Variants in KIF26B observed in about 807,000 individuals in gnomAD.
KIF26B encodes kinesin family member 26B, also known as kinesin-like protein KIF26B.
In KIF26B, 63 loss-of-function variants were observed where a neutral mutation model predicts 151.2. That is an observed-to-expected ratio of 0.42 (90% CI 0.34 to 0.51). The LOEUF (loss-of-function observed/expected upper bound fraction) is 0.51. Among genes scored for constraint, KIF26B ranks in the 20% least tolerant of loss-of-function variants. The pLI, the probability that KIF26B is intolerant of heterozygous loss-of-function variation, is 0.07. For synonymous variants in KIF26B, 1,357 were observed against 1,262.1 expected (o/e 1.08, Z -1.59); for missense variants, 2,813 against 2,913.6 (o/e 0.97, Z 0.79).
At chr1:245,302,779 A>G (rs1186310854) in intron 2 of KIF26B, among the ~76,000 whole-genome samples, 2 of 152,150 alleles carry the variant, frequency 1.3e-5, no homozygotes, top group Non-Finnish European at 2.9e-5. Flanking sequence ...CCAAGAGGTC[A>G]GCAGTTTGAG....
At chr1:245,447,913 T>C (rs1659283014) in intron 4 of KIF26B, among the ~76,000 whole-genome samples, 1 of 152,204 alleles carries the variant, frequency 6.6e-6, no homozygotes. Flanking sequence ...GGACCAGTTA[T>C]GGACCTGTAA....
At chr1:245,562,463 C>T (rs892413904) in intron 5 of KIF26B, among the ~76,000 whole-genome samples, 1 of 152,102 alleles carries the variant, frequency 6.6e-6, no homozygotes, top group African/African-American at 2.4e-5. Flanking sequence ...CAGGACCGGC[C>T]TCGGGAGTCC....
chr1:245,281,984 A>G (rs1427788219), intron 2 of KIF26B, among the ~76,000 whole-genome samples: 5 of 152,068 alleles, frequency 3.3e-5, no homozygotes, highest in Non-Finnish European at 5.9e-5. Context: ...TGGTACCAGT[A>G]CCATGCTGTT....
chr1:245,230,531 T>C (rs142070202), intron 2 of KIF26B, among the ~76,000 whole-genome samples: 3,490 of 151,870 alleles, frequency 0.023, 113 homozygotes, highest in African/African-American at 0.079. Context: ...TCACCTGAGG[T>C]CGGGAGTTCA....
chr1:245,590,537 AC>A (rs1481480478), intron 5 of KIF26B, among the ~76,000 whole-genome samples: 2 of 152,156 alleles, frequency 1.3e-5, no homozygotes, highest in Admixed American at 1.3e-4. Flanking sequence ...GTTGTCACTT[AC>A]CCAGTGTTTA....
chr1:245,343,191 T>C (rs1007400014), intron 2 of KIF26B, among the ~76,000 whole-genome samples: 2 of 152,140 alleles, frequency 1.3e-5, no homozygotes, highest in East Asian at 1.9e-4. Context: ...TATGGTTGAA[T>C]TTGATAAATG....
chr1:245,640,446 G>A (rs1175139269), intron 9 of KIF26B, among the ~76,000 whole-genome samples: 1 of 151,518 alleles, frequency 6.6e-6, no homozygotes, highest in African/African-American at 2.4e-5. Context: ...ATATACTTGG[G>A]TCTTACTTAT....
intron 4 of KIF26B, among the ~76,000 whole-genome samples, chr1:245,463,411 A>G (rs1022021239): frequency 1.4e-4 from 22 of 152,194 alleles, no homozygotes; most frequent in African/African-American, 4.8e-4. Flanking sequence ...GGAACCTCCC[A>G]TGACATCTTG....
At chr1:245,200,201 C>T (rs57390021) in intron 2 of KIF26B, among the ~76,000 whole-genome samples, 1 of 152,164 alleles carries the variant, frequency 6.6e-6, no homozygotes, top group Non-Finnish European at 1.5e-5. Flanking sequence ...TCCTAAATCT[C>T]GTTTTCACAG....
At chr1:245,369,936 G>A (rs566302024) in intron 3 of KIF26B, among the ~76,000 whole-genome samples, 6 of 152,344 alleles carry the variant, frequency 3.9e-5, no homozygotes, top group African/African-American at 1.4e-4. Flanking sequence ...AACCTTGGAA[G>A]TAACCTTCTA....
At chr1:245,342,474 G>A (rs987995127) in intron 2 of KIF26B, among the ~76,000 whole-genome samples, 9 of 152,324 alleles carry the variant, frequency 5.9e-5, no homozygotes, top group East Asian at 1.9e-4. Context: ...GAATGGGACC[G>A]TCACCCACCG....
At chr1:245,662,377 C>A (rs1407050540) in intron 10 of KIF26B, among the ~76,000 whole-genome samples, 1 of 95,936 alleles carries the variant, frequency 1.0e-5, no homozygotes, top group Non-Finnish European at 2.2e-5. Context: ...GATATATACA[C>A]ACACACCATA....
In KIF26B at chr1:245,442,534, C is replaced by A. The variant is rs115948349; in HGVS notation, c.1166+22789C>A. On this transcript the variant is annotated intron_variant, in intron 4 of 14. Transcript: ENST00000407071. ...GAGGCAGGAAAGGGAAAGAGACAAG[C>A]CAAAGATGAGTCCTTTCTCAGGCAA... Among the ~76,000 whole-genome samples the A allele has an allele frequency of 4.0e-3, 604 of 152,264 alleles. 5 individuals carry two copies. Among genetic ancestry groups the A allele is most frequent in the African/African-American group, 0.013 (539 of 41,548 alleles).
At chr1:245,628,227 T>G (rs1305790547) in intron 9 of KIF26B, among the ~76,000 whole-genome samples, 1 of 151,652 alleles carries the variant, frequency 6.6e-6, no homozygotes, top group African/African-American at 2.4e-5. Flanking sequence ...CTCATGCCCA[T>G]AACCCCAGCA....
At chr1:245,625,886 G>A (rs1007688290) in intron 9 of KIF26B, among the ~76,000 whole-genome samples, 24 of 150,040 alleles carry the variant, frequency 1.6e-4, no homozygotes, top group African/African-American at 5.6e-4. Flanking sequence ...TCCCACATAT[G>A]AGTGAGAACA....
At chr1:245,539,824 T>C (rs1661569839) in intron 4 of KIF26B, among the ~76,000 whole-genome samples, 1 of 152,088 alleles carries the variant, frequency 6.6e-6, no homozygotes, top group Admixed American at 6.5e-5. Flanking sequence ...GGCTAATTTT[T>C]GTATTTTTAG....
At chr1:245,160,511 G>A (rs1410429881) in intron 2 of KIF26B, among the ~76,000 whole-genome samples, 4 of 152,196 alleles carry the variant, frequency 2.6e-5, no homozygotes, top group Non-Finnish European at 5.9e-5. Context: ...TGATATCTGT[G>A]ACAGAACTTT....
chr1:245,422,484 T>A (rs1658512187), intron 4 of KIF26B, among the ~76,000 whole-genome samples: 1 of 152,206 alleles, frequency 6.6e-6, no homozygotes, highest in Non-Finnish European at 1.5e-5. Context: ...ACCAGGGATG[T>A]ACCTGACAGT....
At chr1:245,616,400 G>A (rs771023754) in intron 9 of KIF26B, among the ~76,000 whole-genome samples, 5 of 152,218 alleles carry the variant, frequency 3.3e-5, no homozygotes, top group Non-Finnish European at 7.3e-5. Context: ...CTACTGATCA[G>A]AGAGCTGCTT....
Sources: allele counts gnomAD v4.1 joint callset (sites outside exome capture counted in the v4.1 genomes callset), GRCh38; gene constraint gnomAD v4.1.1; transcripts MANE v1.5; gene names NCBI Gene and HGNC (gene_info 2026-07-23, HGNC 2026-07-21).